The following ANXA3 variants were observed in gnomAD, a reference collection of about 807,000 sequenced individuals.
ANXA3 encodes the protein 35-alpha calcimedin.
Under a neutral mutation model 48.8 loss-of-function variants are expected in ANXA3, and 46 were observed. The ratio of observed to expected loss-of-function variants is 0.94; its 90% confidence interval spans 0.74 to 1.21. The LOEUF (loss-of-function observed/expected upper bound fraction) is 1.21, where lower values mean the gene tolerates loss of function less well. Ranked by LOEUF, ANXA3 falls within the 50% of genes most tolerant of loss-of-function variation. The pLI is 0.00. For missense variants in ANXA3, 383 were observed against 378.6 expected (o/e 1.01, Z -0.10); for synonymous variants, 128 against 134.7 (o/e 0.95, Z 0.35).
chr4:78,577,196 G>C (rs1179101632), intron 3 of ANXA3, among the ~76,000 whole-genome samples: 1 of 152,118 alleles, frequency 6.6e-6, no homozygotes, highest in Admixed American at 6.6e-5. Context: ...AGGTTATCCA[G>C]GTAAAATATG....
chr4:78,588,680 G>A (rs1723228041), intron 6 of ANXA3, among the ~76,000 whole-genome samples: 1 of 152,098 alleles, frequency 6.6e-6, no homozygotes, highest in African/African-American at 2.4e-5. Context: ...CTTTTTCTAG[G>A]AAGCTGGAGC....
rs1722390278 is a variant in ANXA3 at position 78,551,826 on chromosome 4, T to G, written c.-72T>G. 1 of 152,286 alleles carries G rather than the reference T, an allele frequency of 6.6e-6. No homozygotes were observed. Among genetic ancestry groups the G allele is most frequent in the Admixed American group, 6.5e-5 (1 of 15,290 alleles). 9.4% of individuals were successfully genotyped at this position (152,286 alleles called of 1,614,324 possible). ...CTTCGCTCGCAGTTTGTTCGCAGTT[T>G]ACTCGCACACCAGTTTCCCCCACCG... On this transcript the variant is annotated 5_prime_UTR_variant, in exon 1 of 13. Coordinates refer to ENST00000264908, the MANE Select transcript of ANXA3 (RefSeq NM_005139.3).
Position 78,610,167 on chromosome 4 carries a change from CCTTA to C in ANXA3, c.*56_*59del, listed in dbSNP as rs768112586. Reference sequence around the variant, plus strand: ...ACGATGGGCTTTCCCAACAGCTCCACCTTACTTCTTCTCATACTATTTAAGAGAA... The same window carrying C: ...ACGATGGGCTTTCCCAACAGCTCCACCTTCTTCTCATACTATTTAAGAGAA... On this transcript the variant is annotated 3_prime_UTR_variant, in exon 13 of 13. Transcript: ENST00000264908. The C allele has an allele frequency of 1.1e-5, 15 of 1,312,498 alleles. No homozygotes were observed. Among genetic ancestry groups the C allele is most frequent in the Non-Finnish European group, 1.6e-5 (15 of 919,888 alleles). The allele number at this position is 1,312,498 out of a possible 1,614,324, so 81.3% of individuals were successfully genotyped here. A position where few individuals can be genotyped will look rare whatever the true frequency, so the allele number is the denominator to read the frequency against.
chr4:78,606,126 G>C (rs561711292), intron 12 of ANXA3, among the ~76,000 whole-genome samples: 40 of 152,358 alleles, frequency 2.6e-4, no homozygotes, highest in African/African-American at 9.6e-4. Flanking sequence ...GACAGAGTCA[G>C]GGCTGCCTTC....
intron 2 of ANXA3, among the ~76,000 whole-genome samples, chr4:78,555,512 A>G (rs1416763614): frequency 1.3e-5 from 2 of 152,318 alleles, no homozygotes; most frequent in Non-Finnish European, 2.9e-5. Flanking sequence ...TAAACAGGAC[A>G]TAAAAAGAAT....
chr4:78,600,950 G>A (rs1265312752), intron 10 of ANXA3, among the ~76,000 whole-genome samples: 2 of 150,814 alleles, frequency 1.3e-5, no homozygotes, highest in African/African-American at 2.4e-5. Flanking sequence ...TTTTTTTAAG[G>A]CAACTGAATT....
chr4:78,554,479 A>G lies in ANXA3; in HGVS notation c.6A>G (p.Ala2=), dbSNP rs1213881829. The change falls in exon 2 of 13, where the codon GCA becomes GCG. Residue 2 remains alanine, a synonymous_variant. Transcript: ENST00000264908. ...CAAGGCAAAGGTGGGATATCATGGCATCTATCTGGGTAAGTAAAAATTAAG... is the reference window on the plus strand; with the variant it reads ...CAAGGCAAAGGTGGGATATCATGGCGTCTATCTGGGTAAGTAAAAATTAAG... M[A]SIWVGHRGTV... 2 of 1,613,118 alleles carry G rather than the reference A, an allele frequency of 1.2e-6. No individual in the cohort carries two copies. Among genetic ancestry groups the G allele is most frequent in the Non-Finnish European group, 1.7e-6 (2 of 1,179,562 alleles).
chr4:78,573,657 C>G (rs1468424996), intron 3 of ANXA3, among the ~76,000 whole-genome samples: 1 of 152,130 alleles, frequency 6.6e-6, no homozygotes, highest in Admixed American at 6.5e-5. Flanking sequence ...TGAGTGTACT[C>G]AAGAGACAGT....
intron 2 of ANXA3, among the ~76,000 whole-genome samples, chr4:78,569,685 G>A (rs1706017178): frequency 6.6e-6 from 1 of 152,258 alleles, no homozygotes; most frequent in African/African-American, 2.4e-5. Flanking sequence ...GGTTGGGCCT[G>A]AGAATTTGCA....
chr4:78,589,448 C>G (rs1041613551), intron 6 of ANXA3, among the ~76,000 whole-genome samples: 1 of 152,168 alleles, frequency 6.6e-6, no homozygotes, highest in Non-Finnish European at 1.5e-5. Flanking sequence ...CAGCACTACC[C>G]GAGGGACCCA....
At chr4:78,593,250 T>A (rs189585475) in intron 7 of ANXA3, among the ~76,000 whole-genome samples, 5,603 of 152,088 alleles carry the variant, frequency 0.037, 361 homozygotes, top group African/African-American at 0.13. Context: ...TCATCCAGAC[T>A]GGAGTGCTGT....
intron 2 of ANXA3, among the ~76,000 whole-genome samples, chr4:78,571,412 G>A (rs1328620013): frequency 1.3e-5 from 2 of 152,170 alleles, no homozygotes; most frequent in Non-Finnish European, 1.5e-5. Context: ...TATTTTAGAT[G>A]CTATAAGATT....
Position 78,604,358 on chromosome 4 carries a change from T to A in ANXA3, c.871T>A (p.Phe291Ile). The A allele has an allele frequency of 5.0e-6, 8 of 1,613,188 alleles. No homozygotes were observed. Among genetic ancestry groups the A allele is most frequent in the Non-Finnish European group, 6.8e-6 (8 of 1,179,464 alleles). The change falls in exon 12 of 13, where the codon TTC becomes ATC. Residue 291 changes from phenylalanine (F) to isoleucine (I), a missense_variant. Phe to Ile is a conservative substitution (Grantham distance 21). Transcript: ENST00000264908. Reference protein sequence around the residue: ...EIDLLDIRTEFKKHYGYSLYS... With the variant: ...EIDLLDIRTEIKKHYGYSLYS... ...TGACCTTTTGGACATTCGAACAGAGTTCAAGAAGCATTATGGCTATTCCCT... is the reference window on the plus strand; with the variant it reads ...TGACCTTTTGGACATTCGAACAGAGATCAAGAAGCATTATGGCTATTCCCT...
At chr4:78,559,851 T>G (rs1405344728) in intron 2 of ANXA3, among the ~76,000 whole-genome samples, 1 of 152,250 alleles carries the variant, frequency 6.6e-6, no homozygotes, top group African/African-American at 2.4e-5. Flanking sequence ...TAAAATGTAT[T>G]AGCAGTGCCT....
At chr4:78,603,895 T>C (rs1162311298) in intron 11 of ANXA3, 1 of 156,352 alleles carries the variant, frequency 6.4e-6, no homozygotes, top group Admixed American at 6.5e-5. Context: ...GTTTAGTCCT[T>C]GCTTAAATGT....
chr4:78,610,222 G>A lies in ANXA3; in HGVS notation c.*107G>A. ...CAAGCAAATATAAACAGCAACTTGT[G>A]TTCCTAACAGGAATTTTCATTGTTC... On this transcript the variant is annotated 3_prime_UTR_variant, in exon 13 of 13. Coordinates refer to ENST00000264908, the MANE Select transcript of ANXA3 (RefSeq NM_005139.3). The A allele has an allele frequency of 1.6e-6, 1 of 641,368 alleles. No individual in the cohort carries two copies. Among genetic ancestry groups the A allele is most frequent in the Non-Finnish European group, 2.6e-6 (1 of 383,454 alleles). The allele number at this position is 641,368 out of a possible 1,614,324, so 39.7% of individuals were successfully genotyped here.
At chr4:78,600,333 A>G (rs981372470) in intron 10 of ANXA3, among the ~76,000 whole-genome samples, 2 of 152,212 alleles carry the variant, frequency 1.3e-5, no homozygotes, top group Non-Finnish European at 2.9e-5. Context: ...TCAGATATGA[A>G]GAACAAATCT....
intron 11 of ANXA3, 159 bp downstream of exon 11, chr4:78,601,727 C>T: frequency 1.8e-6 from 1 of 550,876 alleles, no homozygotes; most frequent in Non-Finnish European, 3.2e-6. Flanking sequence ...ATACAATACA[C>T]TCTTTACACA....
intron 2 of ANXA3, among the ~76,000 whole-genome samples, chr4:78,569,825 T>C (rs1560442372): frequency 6.6e-6 from 1 of 152,166 alleles, no homozygotes; most frequent in African/African-American, 2.4e-5. Context: ...CATAAGGTGA[T>C]GGGTTTGAGT....
Sources: gnomAD v4.1 joint callset for allele counts (sites outside exome capture counted in the v4.1 genomes callset) on GRCh38, gnomAD v4.1.1 for gene constraint, MANE v1.5 for transcripts, NCBI Gene and HGNC (gene_info 2026-07-23, HGNC 2026-07-21) for gene names.